The following ATL2 variants were observed in gnomAD, a reference collection of about 807,000 sequenced individuals.
ATL2 encodes the protein atlastin-2.
In ATL2, 31 loss-of-function variants were observed where a neutral mutation model predicts 73.9. The ratio of observed to expected loss-of-function variants is 0.42; its 90% CI spans 0.32 to 0.57. The LOEUF is 0.57. Ranked by LOEUF, ATL2 falls within the 20% of genes least tolerant of loss-of-function variation. The pLI, the probability that ATL2 is intolerant of heterozygous loss-of-function variation, is 0.14. For missense variants in ATL2, 738 were observed against 702.6 expected, an observed-to-expected ratio of 1.05 and a Z score of -0.57; for synonymous variants, 291 against 237.5, an observed-to-expected ratio of 1.23 and a Z score of -2.07.
In ATL2 at chr2:38,298,372, G is replaced by C. The variant is rs1353492213; in HGVS notation, c.1404C>G (p.Ile468Met). 6.2e-7 allele frequency: 1 copy of C among 1,614,034 alleles called. No individual in the cohort carries two copies. Among genetic ancestry groups the C allele is most frequent in the African/African-American group, 1.3e-5 (1 of 74,936 alleles). ...TGGCTGGGGTACGAGCAGCATAGAAGATATTTTTGCCATCATTGTGCTTTA... is the reference window on the plus strand; with the variant it reads ...TGGCTGGGGTACGAGCAGCATAGAACATATTTTTGCCATCATTGTGCTTTA... ...NFIKHNDGKN[I>M]FYAARTPATL... The change falls in exon 12 of 13, where the codon ATC (isoleucine) becomes ATG (methionine). Residue 468 changes from isoleucine (I) to methionine (M), a missense_variant. Transcript: ENST00000378954.
chr2:38,355,344 C>T (rs766223137), intron 1 of ATL2, among the ~76,000 whole-genome samples: 1 of 152,106 alleles, frequency 6.6e-6, no homozygotes, highest in African/African-American at 2.4e-5. Flanking sequence ...TCAGGCTGGT[C>T]TTGAACTTCT....
In ATL2 at chr2:38,295,948, C is replaced by T. The variant is rs1429576124; in HGVS notation, c.*46G>A. The stretch of plus-strand genomic sequence containing the variant: ...TTTTATTTGAGTTCTCATTGTACAG[C>T]AAGCATGAAAAAAAAAGAGAGTGGA... On this transcript the variant is annotated 3_prime_UTR_variant, in exon 13 of 13. Transcript: ENST00000378954. 3.5e-6 allele frequency: 5 copies of T among 1,435,604 alleles called. No homozygotes were observed. Among genetic ancestry groups the T allele is most frequent in the Non-Finnish European group, 3.8e-6 (4 of 1,051,290 alleles). 88.9% of individuals were successfully genotyped at this position (1,435,604 alleles called of 1,614,324 possible).
chr2:38,349,327 G>T (rs1670208901), intron 1 of ATL2, among the ~76,000 whole-genome samples: 1 of 151,580 alleles, frequency 6.6e-6, no homozygotes, highest in African/African-American at 2.4e-5. Flanking sequence ...TATACACCAT[G>T]GAATACTATG....
chr2:38,331,967 CCA>C (rs1327087784), intron 2 of ATL2, among the ~76,000 whole-genome samples: 1 of 152,036 alleles, frequency 6.6e-6, no homozygotes, highest in Non-Finnish European at 1.5e-5. Flanking sequence ...TGTGGTATAT[CCA>C]CACAAGAGAA....
intron 12 of ATL2, among the ~76,000 whole-genome samples, chr2:38,297,266 C>T (rs1666945586): frequency 1.3e-5 from 2 of 152,162 alleles, no homozygotes; most frequent in Non-Finnish European, 2.9e-5. Context: ...CCAAAACAAA[C>T]ATGGACCTGC....
In ATL2 at chr2:38,302,892, C is replaced by T. The variant is rs1367643632; in HGVS notation, c.1072-2564G>A. Among the ~76,000 whole-genome samples, 8 of 152,200 alleles carry T rather than the reference C, an allele frequency of 5.3e-5. No individual in the cohort carries two copies. The South Asian group carries it at 1.2e-3, about 24-fold the overall frequency. ...CAGACTGCAAAGACTATAACAAATA[C>T]CTAACTCTTCAATGTCCAGACACCA... On this transcript the variant is annotated intron_variant, in intron 9 of 12. Transcript: ENST00000378954.
At chr2:38,337,711 G>T (rs1669452597) in intron 2 of ATL2, among the ~76,000 whole-genome samples, 1 of 151,670 alleles carries the variant, frequency 6.6e-6, no homozygotes, top group Admixed American at 6.6e-5. Context: ...GATTATAGAT[G>T]AAATGAGATT....
At chr2:38,350,577 G>T (rs1251887758) in intron 1 of ATL2, among the ~76,000 whole-genome samples, 3 of 152,122 alleles carry the variant, frequency 2.0e-5, no homozygotes, top group African/African-American at 7.2e-5. Context: ...ACAACCCCAA[G>T]AGTGAACCAT....
At chr2:38,303,071 A>C (rs746480113) in intron 9 of ATL2, among the ~76,000 whole-genome samples, 5 of 152,270 alleles carry the variant, frequency 3.3e-5, no homozygotes, top group Non-Finnish European at 5.9e-5. Context: ...AAGAAATTCA[A>C]GATAACACAG....
chr2:38,299,305 A>C lies in ATL2; in HGVS notation c.1151T>G (p.Leu384Arg). The change falls in exon 11 of 13, where the codon CTT becomes CGT. Residue 384 changes from leucine (L) to arginine (R), a missense_variant. By Grantham distance (102) the Leu-to-Arg change is moderately radical (BLOSUM62 -2). Coordinates refer to ENST00000378954, the MANE Select transcript of ATL2 (RefSeq NM_001135673.4). ...MLQATAEANN[L>R]AAVAGARDTY... Reference sequence around the variant, plus strand: ...ATCTCTTGCTCCTGCTACTGCAGCAAGATTATTAGCTTCAGCTGTTGCCTA... The same window carrying C: ...ATCTCTTGCTCCTGCTACTGCAGCACGATTATTAGCTTCAGCTGTTGCCTA... The C allele has an allele frequency of 6.6e-7, 1 of 1,512,396 alleles. No homozygotes were observed. Among genetic ancestry groups the C allele is most frequent in the South Asian group, 1.4e-5 (1 of 73,000 alleles). 93.7% of individuals were successfully genotyped at this position (1,512,396 alleles called of 1,614,324 possible).
intron 1 of ATL2, chr2:38,376,422 T>G: frequency 2.7e-6 from 1 of 368,164 alleles, no homozygotes; most frequent in Non-Finnish European, 4.8e-6. Context: ...GATCAGGCCT[T>G]ACTATCGTCC....
chr2:38,299,404 T>A (rs1261172164), intron 10 of ATL2, 77 bp from the exon 11 acceptor site: 1 of 1,403,744 alleles, frequency 7.1e-7, no homozygotes, highest in Non-Finnish European at 9.4e-7. Flanking sequence ...CAATAAGTTA[T>A]GTACAATAAA....
chr2:38,296,324 C>T (rs1490183763), intron 12 of ATL2: 1 of 1,447,454 alleles, frequency 6.9e-7, no homozygotes, highest in Non-Finnish European at 9.0e-7. Context: ...AAACCATTTA[C>T]AATTCCTATG....
At chr2:38,361,131 A>T (rs1293246066) in intron 1 of ATL2, among the ~76,000 whole-genome samples, 1 of 152,130 alleles carries the variant, frequency 6.6e-6, no homozygotes, top group Non-Finnish European at 1.5e-5. Context: ...AGGCAGGTGG[A>T]TCACGAGGTC....
intron 9 of ATL2, among the ~76,000 whole-genome samples, chr2:38,307,623 A>C (rs1667523384): frequency 6.6e-6 from 1 of 152,164 alleles, no homozygotes; most frequent in Admixed American, 6.5e-5. Context: ...GAATGGGATC[A>C]TATCAAGTTA....
rs201332512 is a variant in ATL2, at chr2:38,325,622, GTACA to G, written c.364-6607_364-6604del. Among the ~76,000 whole-genome samples, 93 of 87,736 alleles carry G rather than the reference GTACA, an allele frequency of 1.1e-3. 1 individual carries two copies. Among genetic ancestry groups the G allele is most frequent in the South Asian group, 5.3e-3 (13 of 2,442 alleles). The allele number at this position is 87,736 out of a possible 152,430, so 57.6% of individuals were successfully genotyped here. A position where few individuals can be genotyped will look rare whatever the true frequency, so the allele number is the denominator to read the frequency against. ...GTAACCACTATCTACACACACACCA[GTACA>G]TACACACACACACACACACACACAC... On this transcript the variant is annotated intron_variant, in intron 2 of 12. Coordinates refer to ENST00000378954, the MANE Select transcript of ATL2 (RefSeq NM_001135673.4).
chr2:38,325,663 C>T (rs1438551806), intron 2 of ATL2, among the ~76,000 whole-genome samples: 1 of 6,218 alleles, frequency 1.6e-4, no homozygotes, highest in Non-Finnish European at 3.3e-4. Flanking sequence ...CACACCAGTA[C>T]ACACACACAC....
Position 38,295,952 on chromosome 2 carries a change from C to A in ATL2, c.*42G>T, listed in dbSNP as rs1385752706. The A allele has an allele frequency of 4.6e-5, 66 of 1,444,090 alleles. No homozygotes were observed. Among genetic ancestry groups the A allele is most frequent in the Non-Finnish European group, 5.5e-5 (58 of 1,058,990 alleles). 89.5% of individuals were successfully genotyped at this position (1,444,090 alleles called of 1,614,324 possible). On this transcript the variant is annotated 3_prime_UTR_variant, in exon 13 of 13. Transcript: ENST00000378954. ...ATTTGAGTTCTCATTGTACAGCAAGCATGAAAAAAAAAGAGAGTGGAGTCC... is the reference window on the plus strand; with the variant it reads ...ATTTGAGTTCTCATTGTACAGCAAGAATGAAAAAAAAAGAGAGTGGAGTCC...
chr2:38,344,627 A>T (rs1669916966), intron 1 of ATL2, among the ~76,000 whole-genome samples: 2 of 152,286 alleles, frequency 1.3e-5, no homozygotes, highest in African/African-American at 2.4e-5. Flanking sequence ...AAACAAAAAA[A>T]AATTATTCAT....
Sources: gnomAD v4.1 joint callset for allele counts (sites outside exome capture counted in the v4.1 genomes callset) on GRCh38, gnomAD v4.1.1 for gene constraint, MANE v1.5 for transcripts, NCBI Gene and HGNC (gene_info 2026-07-23, HGNC 2026-07-21) for gene names.